The following WDFY4 variants were observed in gnomAD, a reference collection of about 807,000 sequenced individuals.
WDFY4 encodes WDFY family member 4, also known as WD repeat- and FYVE domain-containing protein 4.
Under a neutral mutation model 351.9 loss-of-function variants are expected in WDFY4, and 169 were observed. The observed-to-expected ratio is 0.48, with a 90% CI of 0.42 to 0.55. WDFY4 has a LOEUF of 0.55. WDFY4 is among the 20% of genes least tolerant of loss of function. The pLI, the probability that WDFY4 is intolerant of heterozygous loss-of-function variation, is 0.00. For synonymous variants in WDFY4, 1,622 were observed against 1,574.6 expected (o/e 1.03, Z -0.71); for missense variants, 3,803 against 3,935.6 (o/e 0.97, Z 0.90).
chr10:48,786,782 T>A lies in WDFY4; in HGVS notation c.3720T>A (p.Phe1240Leu). 2.6e-6 allele frequency: 4 copies of A among 1,552,362 alleles called. No individual in the cohort carries two copies. The highest frequency in any genetic ancestry group is 1.4e-5 in the African/African-American group (1 of 73,178). The change falls in exon 20 of 62, where the codon TTT becomes TTA. Residue 1240 changes from phenylalanine to leucine, a missense_variant. Around this residue, in one of 3 missense-constraint regions of WDFY4, gnomAD observed 3,054 missense variants for 3,148.6 expected, o/e 0.97. Coordinates refer to ENST00000325239, the MANE Select transcript of WDFY4 (RefSeq NM_001394531.1). Reference protein sequence around the residue: ...LIWRLGPTYLFEEAISMETLE... With the variant: ...LIWRLGPTYLLEEAISMETLE... ...GGCGTCTTGGCCCCACATACCTCTT[T>A]GAAGAAGCCATTTCAATGGAAACTC...
At position 48,728,030 on chromosome 10, in the gene WDFY4, C is replaced by G. The variant is rs184185098; in HGVS notation, c.971+371C>G. On this transcript the variant is annotated intron_variant, in intron 7 of 61. Coordinates refer to ENST00000325239, the MANE Select transcript of WDFY4 (RefSeq NM_001394531.1). ...AACCACCTTCAGGAGCAGCTGCCCACCAATGACTGAAGGTGCCAATGGGTG... is the reference window on the plus strand; with the variant it reads ...AACCACCTTCAGGAGCAGCTGCCCAGCAATGACTGAAGGTGCCAATGGGTG... Among the ~76,000 whole-genome samples the G allele has an allele frequency of 4.1e-3, 623 of 152,286 alleles. 6 individuals are homozygous for G. Among genetic ancestry groups the G allele is most frequent in the African/African-American group, 0.014 (592 of 41,558 alleles).
chr10:48,931,022 C>T (rs950428312), intron 47 of WDFY4, among the ~76,000 whole-genome samples: 1 of 151,970 alleles, frequency 6.6e-6, no homozygotes, highest in African/African-American at 2.4e-5. Flanking sequence ...TTTAAATTCC[C>T]TGCAACAGAT....
At chr10:48,845,500 G>C (rs979390134) in intron 39 of WDFY4, among the ~76,000 whole-genome samples, 1 of 152,150 alleles carries the variant, frequency 6.6e-6, no homozygotes, top group Non-Finnish European at 1.5e-5. Flanking sequence ...GTCTGGTTTG[G>C]AGGAGCTTGA....
At chr10:48,728,819 G>T (rs1199973985) in intron 7 of WDFY4, among the ~76,000 whole-genome samples, 1 of 152,238 alleles carries the variant, frequency 6.6e-6, no homozygotes, top group Non-Finnish European at 1.5e-5. Context: ...CAGAATTCTT[G>T]TGGAAGGCAG....
At chr10:48,970,348 C>A (rs768317815) in intron 57 of WDFY4, 59 bp downstream of exon 57, 2 of 1,523,818 alleles carry the variant, frequency 1.3e-6, no homozygotes, top group Non-Finnish European at 1.8e-6. Flanking sequence ...CATGTAGGGA[C>A]AAAACCTCTG....
At chr10:48,870,941 C>CTT (rs35914987) in intron 40 of WDFY4, among the ~76,000 whole-genome samples, 1 of 148,642 alleles carries the variant, frequency 6.7e-6, no homozygotes, top group African/African-American at 2.5e-5. Flanking sequence ...GATATGCGTT[C>CTT]TTTTTTTTTT....
chr10:48,779,220 G>C (rs1328840362), intron 18 of WDFY4, among the ~76,000 whole-genome samples: 3 of 152,238 alleles, frequency 2.0e-5, no homozygotes, highest in Non-Finnish European at 4.4e-5. Context: ...AGCTGGAGCC[G>C]AAGCAGCTAC....
intron 30 of WDFY4, among the ~76,000 whole-genome samples, chr10:48,812,199 G>T (rs2377656): frequency 0.25 from 33,899 of 135,670 alleles, 7,035 homozygotes; most frequent in African/African-American, 0.59. Context: ...TGTTTTTTTT[G>T]TTTTTTTTTG....
intron 24 of WDFY4, among the ~76,000 whole-genome samples, chr10:48,799,625 T>G (rs1256887814): frequency 5.9e-5 from 9 of 151,878 alleles, no homozygotes; most frequent in African/African-American, 9.7e-5. Context: ...ATACAAAAAT[T>G]AGGTGGGCAT....
rs1368261800 is a variant in WDFY4 at position 48,731,352 on chromosome 10, G to A, written c.1372G>A (p.Glu458Lys). 6.4e-6 allele frequency: 10 copies of A among 1,551,646 alleles called. No homozygotes were observed. Among genetic ancestry groups the A allele is most frequent in the Middle Eastern group, 1.7e-4 (1 of 6,014 alleles). Reference protein sequence around the residue: ...FFQLLEALVFELHYVPHEILR... With the variant: ...FFQLLEALVFKLHYVPHEILR... Reference sequence around the variant, plus strand: ...CCAGCTTCTAGAGGCCCTGGTGTTCGAGCTGCACTACGTGCCTCATGAGAT... The same window carrying A: ...CCAGCTTCTAGAGGCCCTGGTGTTCAAGCTGCACTACGTGCCTCATGAGAT... The change falls in exon 9 of 62, where the codon GAG becomes AAG. Residue 458 changes from glutamate to lysine, a missense_variant. Physicochemically the swap from Glu to Lys is moderately conservative, Grantham distance 56. Transcript: ENST00000325239.
rs59314975 is a variant in WDFY4 at position 48,945,928 on chromosome 10, G to A, written c.7750-112G>A. The A allele has an allele frequency of 2.1e-3, 1,522 of 712,946 alleles. 21 individuals carry two copies. The highest frequency in any genetic ancestry group is 0.02 in the African/African-American group (1,060 of 53,224). 44.2% of individuals were successfully genotyped at this position (712,946 alleles called of 1,614,324 possible). On this transcript the variant is annotated intron_variant, in intron 49 of 61. Coordinates refer to ENST00000325239, the MANE Select transcript of WDFY4 (RefSeq NM_001394531.1). Reference sequence around the variant, plus strand: ...CCTGCCAGCTAACCACCAGAGGCAGGTCAGACCAAATGACTGTAAATCAAT... The same window carrying A: ...CCTGCCAGCTAACCACCAGAGGCAGATCAGACCAAATGACTGTAAATCAAT...
Position 48,832,733 on chromosome 10 carries a change from A to G in WDFY4, c.6663+24A>G, listed in dbSNP as rs2068233730. On this transcript the variant is annotated intron_variant, in intron 39 of 61. Transcript: ENST00000325239. Reference sequence around the variant, plus strand: ...AGGTGAGCCCAGACCCCTTTTCCTCAGAAAAGTATCAGGCATTTGCTTCAA... The same window carrying G: ...AGGTGAGCCCAGACCCCTTTTCCTCGGAAAAGTATCAGGCATTTGCTTCAA... The G allele has an allele frequency of 2.0e-6, 3 of 1,502,736 alleles. No homozygotes were observed. In the Admixed American group the frequency reaches 6.9e-5, roughly 34 times the overall value. 93.1% of individuals were successfully genotyped at this position (1,502,736 alleles called of 1,614,324 possible).
Position 48,867,192 on chromosome 10 carries a change from A to C in WDFY4, c.6664-73A>C. 3.7e-6 allele frequency: 2 copies of C among 539,372 alleles called. 1 individual carries two copies. Among genetic ancestry groups the C allele is most frequent in the South Asian group, 9.8e-5 (2 of 20,346 alleles). 33.4% of individuals were successfully genotyped at this position (539,372 alleles called of 1,614,324 possible). On this transcript the variant is annotated intron_variant, in intron 39 of 61. Transcript: ENST00000325239. The stretch of plus-strand genomic sequence containing the variant: ...CTCAAAAAATAAAATAAAATAAAAT[A>C]AAATAAAATAAAATAAAATAAAATA...
At chr10:48,804,779 G>A (rs1358463204) in intron 25 of WDFY4, 2 of 983,782 alleles carry the variant, frequency 2.0e-6, no homozygotes, top group Non-Finnish European at 2.4e-6. Flanking sequence ...CTGAGGGAGG[G>A]GGTATGGATA....
At chr10:48,811,766 A>G (rs2067455698) in intron 30 of WDFY4, 58 bp downstream of exon 30, 2 of 1,517,500 alleles carry the variant, frequency 1.3e-6, no homozygotes, top group East Asian at 2.5e-5. Context: ...CCACATGACT[A>G]AGGCAGGTCG....
chr10:48,863,694 T>C (rs1253313514), intron 39 of WDFY4, among the ~76,000 whole-genome samples: 2 of 152,248 alleles, frequency 1.3e-5, no homozygotes, highest in Admixed American at 1.3e-4. Flanking sequence ...TTTTTACTTT[T>C]GGTGAAGTCC....
At chr10:48,937,075 G>A (rs1840424776) in intron 47 of WDFY4, among the ~76,000 whole-genome samples, 1 of 151,852 alleles carries the variant, frequency 6.6e-6, no homozygotes, top group African/African-American at 2.4e-5. Context: ...TGTATTTTTA[G>A]TAGAGACGAG....
intron 12 of WDFY4, among the ~76,000 whole-genome samples, chr10:48,746,406 T>A (rs1019164880): frequency 6.6e-6 from 1 of 152,204 alleles, no homozygotes; most frequent in Non-Finnish European, 1.5e-5. Flanking sequence ...GGGATTTTTC[T>A]TCATCCTTTG....
chr10:48,813,464 G>A lies in WDFY4; in HGVS notation c.5215-493G>A, dbSNP rs562715122. Among the ~76,000 whole-genome samples the A allele has an allele frequency of 5.3e-5, 8 of 152,144 alleles. No individual in the cohort carries two copies. In the South Asian group the frequency reaches 1.7e-3, roughly 32 times the overall value. On this transcript the variant is annotated intron_variant, in intron 30 of 61. Coordinates refer to ENST00000325239, the MANE Select transcript of WDFY4 (RefSeq NM_001394531.1). The stretch of plus-strand genomic sequence containing the variant: ...GCTTGATATTTAAACAATCCCATGG[G>A]GTAGATAATGTAATTCTCATTTCAC...
Sources: allele counts gnomAD v4.1 joint callset (sites outside exome capture counted in the v4.1 genomes callset), GRCh38; gene constraint gnomAD v4.1.1; regional missense constraint gnomAD v4.1.1; transcripts MANE v1.5; gene names NCBI Gene and HGNC (gene_info 2026-07-23, HGNC 2026-07-21).